The following C5orf47 variants were observed in gnomAD, a reference collection of about 807,000 sequenced individuals.
The protein encoded by C5orf47 is chromosome 5 open reading frame 47, also known as uncharacterized protein C5orf47.
Under a neutral mutation model 20.6 loss-of-function variants are expected in C5orf47, and 20 were observed. The ratio of observed to expected loss-of-function variants is 0.97; its 90% CI spans 0.68 to 1.41. C5orf47 has a LOEUF of 1.41. C5orf47 is among the 40% of genes most tolerant of loss of function. C5orf47 has a pLI of 0.00. For synonymous variants in C5orf47, 106 were observed against 97.3 expected (o/e 1.09, Z -0.53); for missense variants, 262 against 238.4 (o/e 1.10, Z -0.65).
In C5orf47 at chr5:173,998,226, GA is replaced by G; in HGVS notation, c.404del (p.Lys135ArgfsTer5). On this transcript the variant is annotated frameshift_variant, in exon 2 of 5. Transcript: ENST00000340147. LOFTEE classifies it high-confidence loss of function. ...PLNEASKIMK[K>X]KKKVLVWNRV... ...TGAATGAAGCTTCCAAAATAATGAA[GA>G]AAAAGAAAAAGGTATATTGCTGTAA... 2 of 1,506,762 alleles carry G rather than the reference GA, an allele frequency of 1.3e-6. No individual in the cohort carries two copies. Among genetic ancestry groups the G allele is most frequent in the Non-Finnish European group, 1.8e-6 (2 of 1,114,280 alleles). The allele number at this position is 1,506,762 out of a possible 1,614,324, so 93.3% of individuals were successfully genotyped here.
At chr5:174,007,532 G>T (rs190259237), downstream of C5orf47, among the ~76,000 whole-genome samples, 1 of 151,546 alleles carries the variant, frequency 6.6e-6, no homozygotes, top group East Asian at 1.9e-4. Context: ...TTAAGGTTTT[G>T]CCTCAGGGCT....
intron 4 of C5orf47, among the ~76,000 whole-genome samples, chr5:174,002,800 G>A (rs992085410): frequency 5.3e-5 from 8 of 152,018 alleles, no homozygotes; most frequent in Admixed American, 1.3e-4. Flanking sequence ...TAGATATACA[G>A]TTCAGGATCA....
At chr5:173,993,055 TA>T (rs1455617176) in intron 1 of C5orf47, among the ~76,000 whole-genome samples, 7 of 151,994 alleles carry the variant, frequency 4.6e-5, no homozygotes, top group African/African-American at 9.7e-5. Flanking sequence ...TTTATTTATT[TA>T]TTTTTTTTAC....
At position 173,989,583 on chromosome 5, in the gene C5orf47, G is replaced by T; in HGVS notation, c.320G>T (p.Arg107Leu). The change falls in exon 1 of 5, where the codon CGT (arginine) becomes CTT (leucine). Residue 107 changes from arginine to leucine, a missense_variant. Physicochemically the swap from Arg to Leu is moderately radical, Grantham distance 102 (BLOSUM62 -2). Transcript: ENST00000340147. ...RVQSGTRQSA[R>L]AGLIQKDAAK... ...CAGAGCGGCACCAGACAGTCGGCGC[G>T]TGCAGGTGGTGCAGCGGGGCAGGGC... 4.8e-6 allele frequency: 7 copies of T among 1,445,452 alleles called. No homozygotes were observed. In the South Asian group the frequency reaches 9.9e-5, roughly 20 times the overall value. The allele number at this position is 1,445,452 out of a possible 1,614,324, so 89.5% of individuals were successfully genotyped here. A position where few individuals can be genotyped will look rare whatever the true frequency, so the allele number is the denominator to read the frequency against.
At chr5:174,008,787 C>T (rs1342688292), downstream of C5orf47, among the ~76,000 whole-genome samples, 6 of 146,682 alleles carry the variant, frequency 4.1e-5, no homozygotes, top group Non-Finnish European at 5.9e-5. Context: ...GAGCCAAGAT[C>T]GCGCCACTGC....
rs1054642967 is a variant in C5orf47 at position 174,003,680 on chromosome 5, G to A, written c.*17-591G>A. On this transcript the variant is annotated intron_variant, in intron 4 of 4. Coordinates refer to ENST00000340147, the MANE Select transcript of C5orf47 (RefSeq NM_001144954.2). The stretch of plus-strand genomic sequence containing the variant: ...AGTACGGAGTATCAGGCAATGTCGA[G>A]GATAAAGAGGAATTTTCAGTTTTGG... 2.0e-5 allele frequency among the ~76,000 whole-genome samples: 3 copies of A among 152,064 alleles called. No individual in the cohort carries two copies. In the South Asian group the frequency reaches 6.2e-4, roughly 32 times the overall value.
chr5:174,008,926 G>A (rs1181489721), downstream of C5orf47, among the ~76,000 whole-genome samples: 1 of 152,000 alleles, frequency 6.6e-6, no homozygotes, highest in Admixed American at 6.6e-5. Flanking sequence ...CTGGATCTGG[G>A]ACTTCACTTT....
At chr5:173,997,731 G>A (rs1364552941) in intron 1 of C5orf47, among the ~76,000 whole-genome samples, 1 of 151,564 alleles carries the variant, frequency 6.6e-6, no homozygotes, top group African/African-American at 2.4e-5. Flanking sequence ...TGTGTGTGCT[G>A]AAAGTGTTAG....
rs2113378805 is a variant in C5orf47, at chr5:174,005,790, T to C, written c.*1536T>C. 1 of 152,480 alleles carries C rather than the reference T, an allele frequency of 6.6e-6. No individual in the cohort carries two copies. The highest frequency in any genetic ancestry group is 1.5e-5 in the Non-Finnish European group (1 of 68,026). 9.4% of individuals were successfully genotyped at this position (152,480 alleles called of 1,614,324 possible). A position where few individuals can be genotyped will look rare whatever the true frequency, so the allele number is the denominator to read the frequency against. Reference sequence around the variant, plus strand: ...TTTATGTGACTTATACAACTTGACATAGTAGTCTGTTTTAATTTATTAGGT... The same window carrying C: ...TTTATGTGACTTATACAACTTGACACAGTAGTCTGTTTTAATTTATTAGGT... On this transcript the variant is annotated 3_prime_UTR_variant, in exon 5 of 5. Transcript: ENST00000340147.
intron 4 of C5orf47, among the ~76,000 whole-genome samples, chr5:174,003,193 A>G (rs1390481891): frequency 1.3e-5 from 2 of 152,188 alleles, no homozygotes; most frequent in East Asian, 1.9e-4. Flanking sequence ...GAATATATAG[A>G]ACATTTTAAA....
At chr5:173,997,187 C>A (rs551753625) in intron 1 of C5orf47, among the ~76,000 whole-genome samples, 35 of 152,170 alleles carry the variant, frequency 2.3e-4, no homozygotes, top group African/African-American at 8.0e-4. Flanking sequence ...TTTGTCAGAT[C>A]AGAGAAGGCT....
intron 1 of C5orf47, among the ~76,000 whole-genome samples, chr5:173,991,305 TTA>T (rs2113357212): frequency 6.6e-6 from 1 of 152,266 alleles, no homozygotes; most frequent in Non-Finnish European, 1.5e-5. Flanking sequence ...TGCAATAGAT[TTA>T]TTTTGTCTAA....
intron 1 of C5orf47, among the ~76,000 whole-genome samples, chr5:173,994,506 C>G (rs1370694466): frequency 3.9e-5 from 6 of 152,142 alleles, no homozygotes; most frequent in African/African-American, 7.2e-5. Flanking sequence ...AGAACAGTTA[C>G]AAGACAGTTA....
Position 173,998,239 on chromosome 5 carries a change from G to A in C5orf47, c.411+1G>A, listed in dbSNP as rs562139566. 5 of 1,454,478 alleles carry A rather than the reference G, an allele frequency of 3.4e-6. No homozygotes were observed. Among genetic ancestry groups the A allele is most frequent in the East Asian group, 4.9e-5 (2 of 40,426 alleles). The allele number at this position is 1,454,478 out of a possible 1,614,324, so 90.1% of individuals were successfully genotyped here. A position where few individuals can be genotyped will look rare whatever the true frequency, so the allele number is the denominator to read the frequency against. ...CAAAATAATGAAGAAAAAGAAAAAG[G>A]TATATTGCTGTAAAGGAGAATGAGC... On this transcript the variant is annotated splice_donor_variant, in intron 2 of 4. Coordinates refer to ENST00000340147, the MANE Select transcript of C5orf47 (RefSeq NM_001144954.2). LOFTEE classifies it high-confidence loss of function.
intron 1 of C5orf47, among the ~76,000 whole-genome samples, chr5:173,996,251 G>A (rs1032699735): frequency 3.3e-5 from 5 of 152,176 alleles, no homozygotes; most frequent in Non-Finnish European, 7.4e-5. Context: ...AGAGTGGGTG[G>A]AAAGAGGACT....
chr5:174,006,872 C>G (rs2113380153), downstream of C5orf47, among the ~76,000 whole-genome samples: 1 of 152,326 alleles, frequency 6.6e-6, no homozygotes, highest in African/African-American at 2.4e-5. Flanking sequence ...CCCAGCTGTG[C>G]TGTATTGTGA....
In C5orf47 at chr5:174,006,079, G is replaced by A. The variant is rs1399784088; in HGVS notation, c.*1825G>A. 1 of 152,260 alleles carries A rather than the reference G, an allele frequency of 6.6e-6. No homozygotes were observed. Among genetic ancestry groups the A allele is most frequent in the African/African-American group, 2.4e-5 (1 of 41,430 alleles). 9.4% of individuals were successfully genotyped at this position (152,260 alleles called of 1,614,324 possible). A position where few individuals can be genotyped will look rare whatever the true frequency, so the allele number is the denominator to read the frequency against. Reference sequence around the variant, plus strand: ...AGCTGCAATACTTTAACTTATTTCTGTTCCATAATTTCAGTAGGGGCTAAT... The same window carrying A: ...AGCTGCAATACTTTAACTTATTTCTATTCCATAATTTCAGTAGGGGCTAAT... On this transcript the variant is annotated 3_prime_UTR_variant, in exon 5 of 5. Transcript: ENST00000340147.
At chr5:173,992,283 C>T (rs1418564591) in intron 1 of C5orf47, among the ~76,000 whole-genome samples, 2 of 149,368 alleles carry the variant, frequency 1.3e-5, no homozygotes, top group African/African-American at 5.0e-5. Flanking sequence ...TACAGTGCCT[C>T]ACACCTCTAA....
chr5:173,998,623 C>T (rs1759141396), intron 2 of C5orf47, among the ~76,000 whole-genome samples: 1 of 152,088 alleles, frequency 6.6e-6, no homozygotes, highest in African/African-American at 2.4e-5. Context: ...TTTTTAAAGA[C>T]AAGGAATATG....
Sources: allele counts gnomAD v4.1 joint callset (sites outside exome capture counted in the v4.1 genomes callset), GRCh38; gene constraint gnomAD v4.1.1; transcripts MANE v1.5; gene names NCBI Gene and HGNC (gene_info 2026-07-23, HGNC 2026-07-21).